The following GPR158 variants were observed in gnomAD, a reference collection of about 807,000 sequenced individuals.
GPR158 encodes G protein-coupled receptor 158.
In GPR158, 30 loss-of-function variants were observed where a neutral mutation model predicts 78.2. That is an observed-to-expected ratio of 0.38 (90% CI 0.29 to 0.52). The LOEUF (loss-of-function observed/expected upper bound fraction) is 0.52, where lower values mean the gene tolerates loss of function less well. GPR158 is among the 20% of genes least tolerant of loss of function. The pLI is 0.83. For synonymous variants in GPR158, 581 were observed against 591.1 expected, an observed-to-expected ratio of 0.98 and a Z score of 0.25; for missense variants, 1,463 against 1,523.5, an observed-to-expected ratio of 0.96 and a Z score of 0.66.
chr10:25,509,101 A>G (rs529518345), intron 5 of GPR158, among the ~76,000 whole-genome samples: 1 of 152,302 alleles, frequency 6.6e-6, no homozygotes, highest in South Asian at 2.1e-4. Context: ...TGTGCATGGT[A>G]GGATGTTTAG....
At chr10:25,280,176 GT>G (rs1402359692) in intron 2 of GPR158, among the ~76,000 whole-genome samples, 1 of 152,028 alleles carries the variant, frequency 6.6e-6, no homozygotes. Context: ...AAAGACAGAG[GT>G]TGACAGATTG....
chr10:25,538,887 C>T (rs148463618), intron 5 of GPR158, among the ~76,000 whole-genome samples: 236 of 152,206 alleles, frequency 1.6e-3, no homozygotes, highest in African/African-American at 5.4e-3. Flanking sequence ...AACACATACA[C>T]GGAGAAGTTG....
intron 5 of GPR158, among the ~76,000 whole-genome samples, chr10:25,548,275 G>T (rs1836688981): frequency 6.6e-6 from 1 of 152,110 alleles, no homozygotes; most frequent in Admixed American, 6.6e-5. Flanking sequence ...TACAATGCAA[G>T]ATGCAGTAGA....
At chr10:25,240,478 G>C (rs1001346563) in intron 2 of GPR158, among the ~76,000 whole-genome samples, 5 of 152,162 alleles carry the variant, frequency 3.3e-5, no homozygotes. Flanking sequence ...CATCCAGCCT[G>C]GGAGACAGAG....
At chr10:25,340,529 T>C (rs1855287847) in intron 2 of GPR158, among the ~76,000 whole-genome samples, 1 of 151,952 alleles carries the variant, frequency 6.6e-6, no homozygotes, top group Non-Finnish European at 1.5e-5. Context: ...AACTAGAAAC[T>C]AGTAAAAGAA....
chr10:25,581,706 G>A (rs894444827), intron 7 of GPR158, among the ~76,000 whole-genome samples: 7 of 152,136 alleles, frequency 4.6e-5, no homozygotes, highest in South Asian at 4.1e-4. Context: ...GATGCAGCCC[G>A]AGGGAAGGCA....
In GPR158 at chr10:25,175,974, C is replaced by T. The variant is rs754509253; in HGVS notation, c.554C>T (p.Ala185Val). ...ACCTTCAGCACCGATTCGCTGTCCG[C>T]ACCGGCCCCACAGGTCTTCCTCCAG... ...AITFSTDSLS[A>V]PAPQVFLQAT... The change falls in exon 1 of 11, where the codon GCA becomes GTA. Residue 185 changes from alanine to valine, a missense_variant. By Grantham distance (64) the Ala-to-Val change is moderately conservative. Coordinates refer to ENST00000376351, the MANE Select transcript of GPR158 (RefSeq NM_020752.3). This position sits in a 1 kb window ranked among gnomAD's most constrained non-coding sequence, Gnocchi z 6.4. The T allele has an allele frequency of 1.2e-6, 2 of 1,613,376 alleles. No individual in the cohort carries two copies. Among genetic ancestry groups the T allele is most frequent in the Non-Finnish European group, 8.5e-7 (1 of 1,179,944 alleles).
At chr10:25,528,810 G>C (rs1454967154) in intron 5 of GPR158, among the ~76,000 whole-genome samples, 5 of 152,130 alleles carry the variant, frequency 3.3e-5, no homozygotes, top group African/African-American at 1.2e-4. Flanking sequence ...AACTAGCTAA[G>C]TCAGTGTTTT....
At position 25,547,859 on chromosome 10, in the gene GPR158, T is replaced by C. The variant is rs963116599; in HGVS notation, c.1405-3117T>C. On this transcript the variant is annotated intron_variant, in intron 5 of 10. Transcript: ENST00000376351. Reference sequence around the variant, plus strand: ...TGTGAGGATTAAATGAGTAAATGTATGCAAAGATGCTTAATTTAGTGTCTA... The same window carrying C: ...TGTGAGGATTAAATGAGTAAATGTACGCAAAGATGCTTAATTTAGTGTCTA... 2.0e-5 allele frequency among the ~76,000 whole-genome samples: 3 copies of C among 152,218 alleles called. 1 individual carries two copies. The South Asian group carries it at 6.2e-4, about 32-fold the overall frequency.
At chr10:25,574,146 CAAAAAAAAA>C (rs34285790) in intron 7 of GPR158, among the ~76,000 whole-genome samples, 1 of 62,308 alleles carries the variant, frequency 1.6e-5, no homozygotes, top group African/African-American at 6.2e-5. Context: ...TTCTGTTTTA[CAAAAAAAAA>C]AAAAAAAAAA....
chr10:25,241,760 T>C (rs1564399936), intron 2 of GPR158, among the ~76,000 whole-genome samples: 2 of 152,268 alleles, frequency 1.3e-5, no homozygotes, highest in East Asian at 1.9e-4. Flanking sequence ...TCTATTCTAC[T>C]TCCTTATATT....
chr10:25,229,430 ATCT>A (rs779655936), intron 2 of GPR158, among the ~76,000 whole-genome samples: 8 of 152,136 alleles, frequency 5.3e-5, no homozygotes, highest in Admixed American at 3.3e-4. Flanking sequence ...AAATCTAAAA[ATCT>A]TCTTATTAAT....
intron 2 of GPR158, among the ~76,000 whole-genome samples, chr10:25,298,568 T>A (rs1854548764): frequency 6.6e-6 from 1 of 152,176 alleles, no homozygotes; most frequent in African/African-American, 2.4e-5. Context: ...AAGGCACATT[T>A]TTATCTTTCT....
chr10:25,419,644 T>C (rs1834718873), intron 4 of GPR158, among the ~76,000 whole-genome samples: 1 of 152,128 alleles, frequency 6.6e-6, no homozygotes. Flanking sequence ...TAACCTACAT[T>C]TGTCATTTTC....
chr10:25,373,919 A>G (rs1448567366), intron 2 of GPR158, among the ~76,000 whole-genome samples: 1 of 151,712 alleles, frequency 6.6e-6, no homozygotes, highest in Non-Finnish European at 1.5e-5. Flanking sequence ...TTTTAATGTA[A>G]TGGATATGTC....
chr10:25,541,541 T>C (rs531420895), intron 5 of GPR158, among the ~76,000 whole-genome samples: 20 of 152,122 alleles, frequency 1.3e-4, no homozygotes, highest in African/African-American at 4.6e-4. Context: ...TTCACATTTA[T>C]GTCTTTTGTG....
At chr10:25,579,285 T>C (rs1837153263) in intron 7 of GPR158, among the ~76,000 whole-genome samples, 1 of 152,172 alleles carries the variant, frequency 6.6e-6, no homozygotes, top group African/African-American at 2.4e-5. Context: ...ATGAGTTTTC[T>C]AATTGGATAA....
intron 2 of GPR158, among the ~76,000 whole-genome samples, chr10:25,298,408 C>T (rs1854546167): frequency 6.6e-6 from 1 of 152,004 alleles, no homozygotes; most frequent in Non-Finnish European, 1.5e-5. Flanking sequence ...ATGGGTTTTG[C>T]CTTTGAACTA....
intron 7 of GPR158, among the ~76,000 whole-genome samples, chr10:25,586,245 A>G (rs182857820): frequency 1.1e-3 from 163 of 152,266 alleles, no homozygotes; most frequent in Middle Eastern, 3.4e-3. Context: ...AAGGTCTAGA[A>G]ACCACAAGCA....
Sources: allele counts gnomAD v4.1 joint callset (sites outside exome capture counted in the v4.1 genomes callset), GRCh38; gene constraint gnomAD v4.1.1; non-coding constraint Gnocchi (gnomAD v3.1); transcripts MANE v1.5; gene names NCBI Gene and HGNC (gene_info 2026-07-23, HGNC 2026-07-21).